The following CD200 variants were observed in gnomAD, a reference collection of about 807,000 sequenced individuals.
CD200 encodes CD200 molecule.
In CD200, 15 loss-of-function variants were observed where a neutral mutation model predicts 30.9. That is an observed-to-expected ratio of 0.49 (90% confidence interval 0.32 to 0.75). The LOEUF is 0.75. Among genes scored for constraint, CD200 ranks in the 30% least tolerant of loss-of-function variants. The pLI is 0.03. For synonymous variants in CD200, 134 were observed against 126.2 expected (o/e 1.06, Z -0.41); for missense variants, 262 against 324.2 (o/e 0.81, Z 1.47).
At chr3:112,355,721 A>G (rs1398148388) in intron 5 of CD200, among the ~76,000 whole-genome samples, 2 of 152,206 alleles carry the variant, frequency 1.3e-5, no homozygotes, top group Non-Finnish European at 2.9e-5. Flanking sequence ...GAATTCTTCA[A>G]AATTCCCATT....
intron 3 of CD200, among the ~76,000 whole-genome samples, chr3:112,345,965 T>C (rs1345123992): frequency 6.6e-6 from 1 of 152,162 alleles, no homozygotes; most frequent in African/African-American, 2.4e-5. Flanking sequence ...AAGAGATTAC[T>C]TTGGAGCATG....
At chr3:112,357,843 G>T (rs1245256194) in intron 5 of CD200, among the ~76,000 whole-genome samples, 2 of 152,154 alleles carry the variant, frequency 1.3e-5, no homozygotes, top group East Asian at 3.8e-4. Flanking sequence ...CATATTTCTA[G>T]TCACAAAAAC....
intron 5 of CD200, among the ~76,000 whole-genome samples, chr3:112,352,452 G>A (rs970214029): frequency 3.4e-4 from 52 of 151,856 alleles, no homozygotes; most frequent in Admixed American, 7.9e-4. Flanking sequence ...AGGAAAACAC[G>A]ATTGGTCCAA....
Position 112,357,141 on chromosome 3 carries a change from G to A in CD200, c.803-4402G>A, listed in dbSNP as rs146033139. ...CCGGGCGTGATGGTGGGCGCCTGTA[G>A]TCCCAGCTACTCGGGAGGCTGAGGC... On this transcript the variant is annotated intron_variant, in intron 5 of 5. Coordinates refer to ENST00000315711, the MANE Select transcript of CD200 (RefSeq NM_005944.7). 6.4e-3 allele frequency among the ~76,000 whole-genome samples: 970 copies of A among 151,708 alleles called. 12 individuals carry two copies. The highest frequency in any genetic ancestry group is 0.023 in the African/African-American group (932 of 41,356).
Position 112,362,711 on chromosome 3 carries a change from A to ATT in CD200, c.*1163_*1164dup, listed in dbSNP as rs1190248503. On this transcript the variant is annotated 3_prime_UTR_variant, in exon 6 of 6. Coordinates refer to ENST00000315711, the MANE Select transcript of CD200 (RefSeq NM_005944.7). ...AGTTGTTTTCGCTGTTAAATTGGAT[A>ATT]TTTATATATATATATAGCAAGATTT... The ATT allele has an allele frequency of 1.6e-4, 2 of 12,640 alleles. No homozygotes were observed. Among genetic ancestry groups the ATT allele is most frequent in the South Asian group, 0.014 (2 of 146 alleles). The allele number at this position is 12,640 out of a possible 1,614,324, so 0.8% of individuals were successfully genotyped here.
chr3:112,333,332 A>T (rs2081039638), intron 1 of CD200, 108 bp downstream of exon 1: 12 of 1,474,350 alleles, frequency 8.1e-6, no homozygotes, highest in Non-Finnish European at 1.1e-5. Context: ...CTCTTGCCAC[A>T]ATCTGGTCCG....
intron 4 of CD200, among the ~76,000 whole-genome samples, chr3:112,348,319 C>T (rs967256585): frequency 4.7e-4 from 72 of 152,156 alleles, no homozygotes; most frequent in African/African-American, 1.7e-3. Context: ...GGAAGGTTTC[C>T]TGGAAGAAGT....
At position 112,347,616 on chromosome 3, in the gene CD200, C is replaced by A; in HGVS notation, c.480C>A (p.Cys160Ter). The change falls in exon 4 of 6, where the codon TGC (cysteine) becomes TGA (stop). Residue 160 changes from cysteine to a stop codon, truncating the protein, a stop_gained. Transcript: ENST00000315711. LOFTEE classifies it high-confidence loss of function. The stretch of plus-strand genomic sequence containing the variant: ...CTGAAGACCACCTAAATATCACTTG[C>A]TCTGCCACTGCCCGCCCAGCCCCCA... ...KFSEDHLNIT[C>*]SATARPAPMV... 4 of 1,613,982 alleles carry A rather than the reference C, an allele frequency of 2.5e-6. No homozygotes were observed. Among genetic ancestry groups the A allele is most frequent in the Non-Finnish European group, 3.4e-6 (4 of 1,179,880 alleles).
chr3:112,361,682 G>A lies in CD200; in HGVS notation c.*132G>A. 2 of 842,610 alleles carry A rather than the reference G, an allele frequency of 2.4e-6. No individual in the cohort carries two copies. The highest frequency in any genetic ancestry group is 4.1e-6 in the Non-Finnish European group (2 of 489,560). 52.2% of individuals were successfully genotyped at this position (842,610 alleles called of 1,614,324 possible). A position where few individuals can be genotyped will look rare whatever the true frequency, so the allele number is the denominator to read the frequency against. On this transcript the variant is annotated 3_prime_UTR_variant, in exon 6 of 6. Coordinates refer to ENST00000315711, the MANE Select transcript of CD200 (RefSeq NM_005944.7). ...AAGAGGTGGGAGCGAAAGCCTTAAG[G>A]ATCCCACGACTTTTTACTGCCATCT...
At chr3:112,349,848 G>T in intron 5 of CD200, 29 bp downstream of exon 5, 2 of 1,572,284 alleles carry the variant, frequency 1.3e-6, no homozygotes, top group South Asian at 1.2e-5. Context: ...TTCAAAAAAT[G>T]ACATAAATTA....
intron 5 of CD200, among the ~76,000 whole-genome samples, chr3:112,350,203 T>G (rs2081504163): frequency 6.6e-6 from 1 of 152,208 alleles, no homozygotes; most frequent in South Asian, 2.1e-4. Flanking sequence ...TGTCCAATTA[T>G]GATCACTCAT....
chr3:112,337,910 CTTGA>C (rs1242927305), intron 1 of CD200, among the ~76,000 whole-genome samples: 5 of 152,124 alleles, frequency 3.3e-5, no homozygotes, highest in African/African-American at 1.2e-4. Context: ...AAACTCATCT[CTTGA>C]TTATTTATAA....
At position 112,333,205 on chromosome 3, in the gene CD200, G is replaced by A. The variant is rs1395580321; in HGVS notation, c.-8G>A. The A allele has an allele frequency of 6.5e-7, 1 of 1,550,078 alleles. No homozygotes were observed. The highest frequency in any genetic ancestry group is 8.7e-7 in the Non-Finnish European group (1 of 1,146,574). The stretch of plus-strand genomic sequence containing the variant: ...TCAGCCACCTCGCGCGCGCCTCCAG[G>A]AGCAAGGATGGAGAGGCTGGTGAGC... On this transcript the variant is annotated 5_prime_UTR_variant, in exon 1 of 6. Coordinates refer to ENST00000315711, the MANE Select transcript of CD200 (RefSeq NM_005944.7).
chr3:112,348,823 C>T (rs1469342508), intron 4 of CD200, among the ~76,000 whole-genome samples: 2 of 151,532 alleles, frequency 1.3e-5, no homozygotes, highest in African/African-American at 4.9e-5. Flanking sequence ...TCTTCAGATT[C>T]AGCCATGGCA....
At chr3:112,342,345 CTTTCTTTCTTTCTTTCTTTCTTTCT>C (rs2081272045) in intron 2 of CD200, among the ~76,000 whole-genome samples, 8 of 11,596 alleles carry the variant, frequency 6.9e-4, no homozygotes, top group African/African-American at 1.4e-3. Context: ...TTCCTTCTTT[CTTTCTTTCTTTCTTTCTTTCTTTCT>C]TTCTTTCTTT....
intron 3 of CD200, among the ~76,000 whole-genome samples, chr3:112,345,944 G>A (rs573515533): frequency 1.3e-5 from 2 of 152,280 alleles, no homozygotes; most frequent in African/African-American, 2.4e-5. Context: ...GAAAGGTTAC[G>A]AAGTGAGAAT....
chr3:112,357,272 AAAG>A (rs1193016027), intron 5 of CD200, among the ~76,000 whole-genome samples: 39 of 89,322 alleles, frequency 4.4e-4, no homozygotes, highest in South Asian at 7.8e-4. Context: ...AAAAAAAAAA[AAAG>A]AAAGAAAGAA....
chr3:112,334,983 C>T (rs2081080864), intron 1 of CD200, among the ~76,000 whole-genome samples: 2 of 152,180 alleles, frequency 1.3e-5, no homozygotes, highest in Admixed American at 1.3e-4. Flanking sequence ...TGGATTTCCA[C>T]GTCAGAGAAG....
intron 2 of CD200, among the ~76,000 whole-genome samples, chr3:112,343,042 G>C (rs944058707): frequency 6.6e-6 from 1 of 151,772 alleles, no homozygotes; most frequent in East Asian, 1.9e-4. Context: ...ATGAGTTATT[G>C]GGTTTGTAAA....
Sources: allele counts gnomAD v4.1 joint callset (sites outside exome capture counted in the v4.1 genomes callset), GRCh38; gene constraint gnomAD v4.1.1; transcripts MANE v1.5; gene names NCBI Gene and HGNC (gene_info 2026-07-23, HGNC 2026-07-21).